The following UBE2Q2 variants were observed in gnomAD, a reference collection of about 807,000 sequenced individuals.
UBE2Q2 encodes the protein ubiquitin conjugating enzyme E2 Q2, also known as ubiquitin-conjugating enzyme E2 Q2.
Under a neutral mutation model 59.9 loss-of-function variants are expected in UBE2Q2, and 54 were observed. That is an observed-to-expected ratio of 0.90 (90% CI 0.72 to 1.13). The LOEUF (loss-of-function observed/expected upper bound fraction) is 1.13. Among genes scored for constraint, UBE2Q2 ranks in the 50% most tolerant of loss-of-function variants. UBE2Q2 has a pLI of 0.00. For missense variants in UBE2Q2, 433 were observed against 441.9 expected (o/e 0.98, Z 0.18); for synonymous variants, 165 against 155.2 (o/e 1.06, Z -0.47).
intron 1 of UBE2Q2, among the ~76,000 whole-genome samples, chr15:75,848,341 A>G (rs1158340072): frequency 6.6e-6 from 1 of 152,236 alleles, no homozygotes; most frequent in Non-Finnish European, 1.5e-5. Flanking sequence ...AAAGTTGTAC[A>G]AAGGAAATAA....
chr15:75,854,550 G>A, intron 2 of UBE2Q2, 63 bp downstream of exon 2: 1 of 984,456 alleles, frequency 1.0e-6, no homozygotes, highest in Non-Finnish European at 1.5e-6. Flanking sequence ...GAAATTAAAT[G>A]TTAAGAGATA....
chr15:75,845,237 C>G (rs1896282082), intron 1 of UBE2Q2, among the ~76,000 whole-genome samples: 1 of 152,072 alleles, frequency 6.6e-6, no homozygotes, highest in Admixed American at 6.6e-5. Flanking sequence ...CCACAGGTGA[C>G]TACAATTTTG....
intron 1 of UBE2Q2, among the ~76,000 whole-genome samples, chr15:75,848,315 A>G (rs1896459817): frequency 6.6e-6 from 1 of 152,240 alleles, no homozygotes; most frequent in South Asian, 2.1e-4. Context: ...TACTATGATT[A>G]AAAAGTAGTC....
Position 75,900,950 on chromosome 15 carries a change from T to C in UBE2Q2, c.*1492T>C, listed in dbSNP as rs1312369106. 6.5e-6 allele frequency: 1 copy of C among 152,678 alleles called. No individual in the cohort carries two copies. The highest frequency in any genetic ancestry group is 1.5e-5 in the Non-Finnish European group (1 of 68,050). The allele number at this position is 152,678 out of a possible 1,614,324, so 9.5% of individuals were successfully genotyped here. A position where few individuals can be genotyped will look rare whatever the true frequency, so the allele number is the denominator to read the frequency against. ...AGCTGCACATTTGGCATGCTTTGTT[T>C]AATGGATTTTATTTTTAATTGCAGA... On this transcript the variant is annotated 3_prime_UTR_variant, in exon 13 of 13. Transcript: ENST00000267938.
chr15:75,844,571 T>A (rs1052118075), intron 1 of UBE2Q2: 24 of 1,428,950 alleles, frequency 1.7e-5, no homozygotes, highest in Non-Finnish European at 2.2e-5. Context: ...GCGCCAGGGC[T>A]GCTCCCCGGA....
At chr15:75,849,047 G>T (rs192590770) in intron 1 of UBE2Q2, among the ~76,000 whole-genome samples, 19 of 152,156 alleles carry the variant, frequency 1.2e-4, no homozygotes, top group African/African-American at 3.6e-4. Context: ...TTTATCATGG[G>T]TATATGAACA....
chr15:75,845,276 G>C (rs181633591), intron 1 of UBE2Q2, among the ~76,000 whole-genome samples: 1 of 152,172 alleles, frequency 6.6e-6, no homozygotes, highest in Non-Finnish European at 1.5e-5. Context: ...ATTTTAGACT[G>C]AGGAAACTCC....
chr15:75,881,838 A>T (rs919604695), intron 8 of UBE2Q2, among the ~76,000 whole-genome samples: 2 of 152,216 alleles, frequency 1.3e-5, no homozygotes, highest in African/African-American at 4.8e-5. Flanking sequence ...TTCGGGCAGC[A>T]TCTGAATTAC....
At chr15:75,851,489 C>T (rs1229946028) in intron 1 of UBE2Q2, among the ~76,000 whole-genome samples, 1 of 151,712 alleles carries the variant, frequency 6.6e-6, no homozygotes, top group Non-Finnish European at 1.5e-5. Flanking sequence ...TCAATGTTAT[C>T]AGGATATTCT....
chr15:75,890,923 G>A lies in UBE2Q2; in HGVS notation c.938G>A (p.Trp313Ter), dbSNP rs1567042131. Reference sequence around the variant, plus strand: ...AGATACTTTGTTCTTCTGTAGGGCTGGAGCAGTGCCTACTCAATAGAATCG... The same window carrying A: ...AGATACTTTGTTCTTCTGTAGGGCTAGAGCAGTGCCTACTCAATAGAATCG... Reference protein sequence around the residue: ...LCMELLTKQGWSSAYSIESVI... With the variant: ...LCMELLTKQG Residue 313 changes from tryptophan to a stop codon, truncating the protein, a stop_gained, in exon 11 of 13, where the codon TGG becomes TAG. Transcript: ENST00000267938. LOFTEE classifies it high-confidence loss of function. The A allele has an allele frequency of 6.2e-7, 1 of 1,612,700 alleles. No homozygotes were observed. Among genetic ancestry groups the A allele is most frequent in the Non-Finnish European group, 8.5e-7 (1 of 1,179,550 alleles).
intron 1 of UBE2Q2, among the ~76,000 whole-genome samples, chr15:75,851,143 T>A (rs547620075): frequency 1.3e-5 from 2 of 152,038 alleles, no homozygotes; most frequent in Non-Finnish European, 2.9e-5. Flanking sequence ...TTCTTTTTTT[T>A]TTTTTTGAGA....
intron 3 of UBE2Q2, among the ~76,000 whole-genome samples, chr15:75,867,136 C>G (rs1458183374): frequency 1.3e-5 from 2 of 152,174 alleles, no homozygotes; most frequent in Admixed American, 1.3e-4. Flanking sequence ...TGGGGAGGTG[C>G]TGGCTGGTGA....
Position 75,868,942 on chromosome 15 carries a change from C to G in UBE2Q2, c.388-9C>G, listed in dbSNP as rs1897643336. 1.2e-6 allele frequency: 2 copies of G among 1,612,524 alleles called. No individual in the cohort carries two copies. Among genetic ancestry groups the G allele is most frequent in the African/African-American group, 1.3e-5 (1 of 74,952 alleles). On this transcript the variant is annotated splice_polypyrimidine_tract_variant and intron_variant, in intron 3 of 12. Transcript: ENST00000267938. ...TGTATAGCCCTGGCAGATTCTTTCT[C>G]TGTTTCAGAATGGGACAACAGAAGA...
At chr15:75,861,184 A>G (rs1897192230) in intron 3 of UBE2Q2, among the ~76,000 whole-genome samples, 1 of 152,274 alleles carries the variant, frequency 6.6e-6, no homozygotes, top group South Asian at 2.1e-4. Flanking sequence ...TGCATAGCAC[A>G]TCCCCATCAA....
At position 75,896,996 on chromosome 15, in the gene UBE2Q2, A is replaced by T. The variant is rs766738526; in HGVS notation, c.1031A>T (p.Asn344Ile). 1.8e-5 allele frequency: 28 copies of T among 1,548,108 alleles called. No homozygotes were observed. In the Middle Eastern group the frequency reaches 6.9e-4, roughly 38 times the overall value. Residue 344 changes from asparagine (N) to isoleucine (I), a missense_variant and splice_region_variant, in exon 12 of 13, where the codon AAT becomes ATT. Coordinates refer to ENST00000267938, the MANE Select transcript of UBE2Q2 (RefSeq NM_173469.4). ...KARVQFGANK[N>I]QYNLARAQQS... ...TTAAAATGTGTAATTCTCTTTCAGA[A>T]TCAATATAATCTAGCAAGAGCCCAA...
At chr15:75,873,191 T>C (rs1249956940) in intron 4 of UBE2Q2, among the ~76,000 whole-genome samples, 2 of 152,212 alleles carry the variant, frequency 1.3e-5, no homozygotes, top group African/African-American at 4.8e-5. Context: ...ATAGTTATGA[T>C]TTTGTAAAGC....
At chr15:75,857,822 A>G (rs112012718) in intron 2 of UBE2Q2, among the ~76,000 whole-genome samples, 1,780 of 152,138 alleles carry the variant, frequency 0.012, 29 homozygotes, top group African/African-American at 0.04. Flanking sequence ...GATATATTAA[A>G]TGAAAAAGCA....
chr15:75,872,883 T>C (rs569335095), intron 4 of UBE2Q2, among the ~76,000 whole-genome samples: 1 of 151,928 alleles, frequency 6.6e-6, no homozygotes, highest in Non-Finnish European at 1.5e-5. Context: ...TTGTATTGTT[T>C]TTCATTTTAA....
intron 4 of UBE2Q2, among the ~76,000 whole-genome samples, chr15:75,871,709 CAG>C (rs745632347): frequency 1.3e-5 from 2 of 152,182 alleles, no homozygotes; most frequent in Non-Finnish European, 2.9e-5. Context: ...CAAAGATTAA[CAG>C]AATCTCAAGG....
Sources: allele counts gnomAD v4.1 joint callset (sites outside exome capture counted in the v4.1 genomes callset), GRCh38; gene constraint gnomAD v4.1.1; transcripts MANE v1.5; gene names NCBI Gene and HGNC (gene_info 2026-07-23, HGNC 2026-07-21).